Variants in TEX11 observed in about 807,000 individuals in gnomAD.
The protein encoded by TEX11 is testis-expressed protein 11.
A neutral mutation model predicts 84.4 loss-of-function variants in TEX11; 7 were observed. That is an observed-to-expected ratio of 0.08 (90% CI 0.05 to 0.16). The LOEUF (loss-of-function observed/expected upper bound fraction) is 0.16. Ranked by LOEUF, TEX11 falls within the 10% of genes least tolerant of loss-of-function variation. The pLI, the probability that TEX11 is intolerant of heterozygous loss-of-function variation, is 1.00. For missense variants in TEX11, 551 were observed against 660.5 expected (o/e 0.83, Z 1.82); for synonymous variants, 264 against 222.8 (o/e 1.18, Z -1.64).
Position 70,682,756 on chromosome X carries a change from T to G in TEX11, c.1074A>C (p.Lys358Asn). ...GCATGTCAGTATGGAGTATCAGAAC[T>G]TTTCCAATATTTTCCGATGACTTAA... Reference protein sequence around the residue: ...ERFKSSENIGKVLILHTDMLL... With the variant: ...ERFKSSENIGNVLILHTDMLL... Residue 358 changes from lysine (K) to asparagine (N), a missense_variant, in exon 14 of 30, where the codon AAA becomes AAC. Transcript: ENST00000374333. 1 of 1,208,277 alleles carries G rather than the reference T, an allele frequency of 8.3e-7. No individual in the cohort carries two copies. Among genetic ancestry groups the G allele is most frequent in the South Asian group, 1.8e-5 (1 of 56,543 alleles).
chrX:70,838,130 A>T (rs998540400), intron 7 of TEX11, among the ~76,000 whole-genome samples: 2 of 112,214 alleles, frequency 1.8e-5, no homozygotes, highest in African/African-American at 6.5e-5. Context: ...TTAGAAACAC[A>T]TTTGTTGGCC....
intron 25 of TEX11, among the ~76,000 whole-genome samples, chrX:70,570,040 G>C (rs915112563): frequency 1.8e-5 from 2 of 112,046 alleles, no homozygotes; most frequent in East Asian, 2.8e-4. Flanking sequence ...AGGCTTCCTC[G>C]AGCTGTGGTG....
chrX:70,851,354 T>A (rs1031845762), intron 7 of TEX11, among the ~76,000 whole-genome samples: 1 of 111,906 alleles, frequency 8.9e-6, no homozygotes. Context: ...GAAAGAATAG[T>A]CTTCTCAACA....
chrX:70,536,869 T>C (rs2087965748), intron 28 of TEX11, among the ~76,000 whole-genome samples: 1 of 112,031 alleles, frequency 8.9e-6, no homozygotes, highest in African/African-American at 3.2e-5. Context: ...TGACTGAATT[T>C]ATTGCATTGA....
At chrX:70,748,942 T>A (rs1207068693) in intron 9 of TEX11, among the ~76,000 whole-genome samples, 1 of 106,458 alleles carries the variant, frequency 9.4e-6, no homozygotes, top group East Asian at 3.0e-4. Flanking sequence ...AAGTAGTTTT[T>A]TCCAAATCTG....
At chrX:70,519,860 T>G in the TEX11 span, among the ~76,000 whole-genome samples, 1 of 111,881 alleles carries the variant, frequency 8.9e-6, no homozygotes, top group Non-Finnish European at 1.9e-5. Context: ...TGCATTTCAT[T>G]AATTTGATCT....
chrX:70,834,568 C>A (rs1569451897), intron 7 of TEX11, among the ~76,000 whole-genome samples: 1 of 110,724 alleles, frequency 9.0e-6, no homozygotes, highest in African/African-American at 3.3e-5. Context: ...CCAGCTTGAC[C>A]AACATGGTGA....
At chrX:70,788,033 A>AAACT (rs1319930571) in intron 9 of TEX11, among the ~76,000 whole-genome samples, 12 of 111,680 alleles carry the variant, frequency 1.1e-4, no homozygotes, top group African/African-American at 3.2e-4. Context: ...ACAAATGGAA[A>AAACT]GATACCCCAT....
At chrX:70,870,003 C>T (rs1416874056) in intron 4 of TEX11, among the ~76,000 whole-genome samples, 4 of 111,735 alleles carry the variant, frequency 3.6e-5, no homozygotes, top group Non-Finnish European at 7.5e-5. Flanking sequence ...TTCTCACCAG[C>T]CTGTTCTTGA....
chrX:70,890,895 T>G (rs770744687), intron 2 of TEX11, among the ~76,000 whole-genome samples: 41 of 112,533 alleles, frequency 3.6e-4, no homozygotes, highest in African/African-American at 1.3e-3. Flanking sequence ...ATGGACAGAC[T>G]GCCTCCTCAA....
chrX:70,797,131 C>G (rs1381650137), intron 9 of TEX11, among the ~76,000 whole-genome samples: 1 of 111,611 alleles, frequency 9.0e-6, no homozygotes, highest in Non-Finnish European at 1.9e-5. Flanking sequence ...CAAAAGAAAA[C>G]AAATTGTTGT....
the TEX11 span, among the ~76,000 whole-genome samples, chrX:70,519,903 A>G: frequency 8.9e-6 from 1 of 111,800 alleles, no homozygotes; most frequent in Non-Finnish European, 1.9e-5. Context: ...CCACTTGATC[A>G]AATTGGCTAC....
At chrX:70,584,289 CAA>C (rs143182132) in intron 25 of TEX11, among the ~76,000 whole-genome samples, 18 of 53,763 alleles carry the variant, frequency 3.3e-4, no homozygotes, top group Non-Finnish European at 5.1e-4. Context: ...GACTCCGTCT[CAA>C]AAAAAAAAAA....
At chrX:70,553,091 CT>C (rs34353935) in intron 27 of TEX11, among the ~76,000 whole-genome samples, 1 of 111,510 alleles carries the variant, frequency 9.0e-6, no homozygotes, top group East Asian at 2.8e-4. Flanking sequence ...AACTTTTCCC[CT>C]TTTTTTTCTC....
intron 20 of TEX11, 60 bp from the exon 21 acceptor site, chrX:70,610,603 T>A: frequency 9.2e-7 from 1 of 1,087,161 alleles, no homozygotes; most frequent in Admixed American, 2.5e-5. Flanking sequence ...AAAACATAAC[T>A]AAAAAGGGAC....
At chrX:70,889,731 G>A (rs905090610) in intron 2 of TEX11, among the ~76,000 whole-genome samples, 12 of 111,291 alleles carry the variant, frequency 1.1e-4, no homozygotes, top group Non-Finnish European at 2.1e-4. Context: ...TTAAAATAAT[G>A]GGTTATAAGA....
intron 9 of TEX11, among the ~76,000 whole-genome samples, chrX:70,786,154 T>A (rs767039815): frequency 6.3e-5 from 7 of 111,284 alleles, no homozygotes; most frequent in Admixed American, 1.9e-4. Context: ...AAAGGATGAG[T>A]TCATGTCCTT....
At chrX:70,767,234 A>G (rs2090946244) in intron 9 of TEX11, among the ~76,000 whole-genome samples, 1 of 111,872 alleles carries the variant, frequency 8.9e-6, no homozygotes. Flanking sequence ...GGGGTTAATG[A>G]GCAGAATATA....
At chrX:70,750,726 T>A (rs1296649648) in intron 9 of TEX11, among the ~76,000 whole-genome samples, 30 of 92,303 alleles carry the variant, frequency 3.3e-4, no homozygotes, top group Admixed American at 2.2e-3. Flanking sequence ...AACAATGAGA[T>A]CACATGGACA....
Sources: allele counts gnomAD v4.1 joint callset (sites outside exome capture counted in the v4.1 genomes callset), GRCh38; gene constraint gnomAD v4.1.1; transcripts MANE v1.5; gene names NCBI Gene and HGNC (gene_info 2026-07-23, HGNC 2026-07-21).